The following ZDHHC20 variants were observed in gnomAD, a reference collection of about 807,000 sequenced individuals.
ZDHHC20 encodes zDHHC palmitoyltransferase 20.
A neutral mutation model predicts 57.8 loss-of-function variants in ZDHHC20; 43 were observed. The ratio of observed to expected loss-of-function variants is 0.74; its 90% CI spans 0.58 to 0.96. The LOEUF is 0.96. ZDHHC20 is among the 40% of genes least tolerant of loss of function. The probability of loss-of-function intolerance (pLI) is 0.00; values close to 1 mark genes in which losing one functional copy is unlikely to be tolerated. For missense variants in ZDHHC20, 391 were observed against 441.1 expected (o/e 0.89, Z 1.02); for synonymous variants, 157 against 153.0 (o/e 1.03, Z -0.19).
chr13:21,419,251 GTTTAC>G lies in ZDHHC20; in HGVS notation c.249+1805_249+1809del, dbSNP rs565880291. Reference sequence around the variant, plus strand: ...AAGCAACACTAAAATTTGACTTATAGTTTACTTTACCTTTTAAAACAAAAGCATCT... The same window carrying G: ...AAGCAACACTAAAATTTGACTTATAGTTTACCTTTTAAAACAAAAGCATCT... On this transcript the variant is annotated intron_variant, in intron 3 of 12. Coordinates refer to ENST00000400590, the MANE Select transcript of ZDHHC20 (RefSeq NM_001330059.2). 6.2e-3 allele frequency among the ~76,000 whole-genome samples: 950 copies of G among 152,252 alleles called. 15 individuals carry two copies. The highest frequency in any genetic ancestry group is 7.7e-3 in the Non-Finnish European group (525 of 68,012).
chr13:21,400,609 T>C, intron 6 of ZDHHC20, 116 bp from the exon 7 acceptor site: 1 of 1,012,432 alleles, frequency 9.9e-7, no homozygotes. Context: ...GGGAGCTTTT[T>C]AATGCGAATA....
intron 1 of ZDHHC20, among the ~76,000 whole-genome samples, chr13:21,447,773 T>A (rs1178445327): frequency 1.2e-5 from 1 of 86,420 alleles, no homozygotes; most frequent in Non-Finnish European, 2.9e-5. Flanking sequence ...CCCCTCTGCC[T>A]GGCTGCCCAG....
chr13:21,455,162 G>A (rs1362887818), intron 1 of ZDHHC20, among the ~76,000 whole-genome samples: 4 of 152,102 alleles, frequency 2.6e-5, no homozygotes, highest in Non-Finnish European at 4.4e-5. Flanking sequence ...CTCGTGATCC[G>A]CCTGCCTTGG....
chr13:21,424,084 T>A (rs1034504269), intron 2 of ZDHHC20, among the ~76,000 whole-genome samples: 1 of 152,118 alleles, frequency 6.6e-6, no homozygotes, highest in Non-Finnish European at 1.5e-5. Flanking sequence ...ATAGATAAAA[T>A]AAAGCTCTTA....
At chr13:21,404,435 C>A in intron 4 of ZDHHC20, 1 of 451,958 alleles carries the variant, frequency 2.2e-6, no homozygotes, top group Admixed American at 2.4e-5. Flanking sequence ...TGGAAAAATA[C>A]AAGGACATTA....
At chr13:21,421,863 T>C (rs1880686583) in intron 2 of ZDHHC20, among the ~76,000 whole-genome samples, 1 of 152,188 alleles carries the variant, frequency 6.6e-6, no homozygotes, top group Non-Finnish European at 1.5e-5. Flanking sequence ...TGCAGCACCA[T>C]AAACCCACTG....
At chr13:21,440,068 GAAAAAAAAAAAAAAAAA>G (rs376263181) in intron 1 of ZDHHC20, among the ~76,000 whole-genome samples, 1 of 89,790 alleles carries the variant, frequency 1.1e-5, no homozygotes, top group Admixed American at 1.4e-4. Flanking sequence ...CTGTTTCTCA[GAAAAAAAAAAAAAAAAA>G]AAAAAAAAAA....
At chr13:21,427,471 A>G (rs868330733) in intron 1 of ZDHHC20, among the ~76,000 whole-genome samples, 1 of 152,172 alleles carries the variant, frequency 6.6e-6, no homozygotes, top group Non-Finnish European at 1.5e-5. Flanking sequence ...TCTAGCTAAT[A>G]GTTTCCAGCG....
chr13:21,389,117 T>C (rs1875161814), intron 8 of ZDHHC20, among the ~76,000 whole-genome samples: 1 of 152,214 alleles, frequency 6.6e-6, no homozygotes. Context: ...CTAGCTTGCT[T>C]GTTCAGGATA....
intron 7 of ZDHHC20, among the ~76,000 whole-genome samples, chr13:21,395,595 G>A (rs1261949445): frequency 7.5e-5 from 11 of 146,206 alleles, no homozygotes; most frequent in Middle Eastern, 4.0e-3. Context: ...TCCGCCTCCC[G>A]GGTTCAAGCG....
At chr13:21,419,175 A>G (rs1003884688) in intron 3 of ZDHHC20, among the ~76,000 whole-genome samples, 3 of 152,242 alleles carry the variant, frequency 2.0e-5, no homozygotes, top group Non-Finnish European at 4.4e-5. Flanking sequence ...AGTTTGTAAC[A>G]TAACTTTAAG....
chr13:21,415,728 G>C (rs1223477441), intron 3 of ZDHHC20, among the ~76,000 whole-genome samples: 3 of 152,144 alleles, frequency 2.0e-5, no homozygotes, highest in Non-Finnish European at 4.4e-5. Flanking sequence ...TCATAGTAGA[G>C]TATAAAAATC....
intron 7 of ZDHHC20, among the ~76,000 whole-genome samples, chr13:21,395,082 TTTGAGATA>T (rs1196898554): frequency 2.0e-5 from 3 of 151,810 alleles, no homozygotes; most frequent in Non-Finnish European, 4.4e-5. Context: ...TTTTTTTTTT[TTTGAGATA>T]GAGTCTCGAT....
At chr13:21,401,277 AAAATAAAAT>A (rs2137795264) in intron 6 of ZDHHC20, among the ~76,000 whole-genome samples, 1 of 152,258 alleles carries the variant, frequency 6.6e-6, no homozygotes, top group Non-Finnish European at 1.5e-5. Context: ...CCCTGTTTCA[AAAATAAAAT>A]AAAACAAAAC....
chr13:21,421,795 ATTTC>A (rs766880606), intron 2 of ZDHHC20, among the ~76,000 whole-genome samples: 13 of 152,188 alleles, frequency 8.5e-5, no homozygotes, highest in Non-Finnish European at 1.6e-4. Flanking sequence ...AGCAGTACTG[ATTTC>A]TTTAAGAAGC....
At chr13:21,419,070 A>G (rs1352390414) in intron 3 of ZDHHC20, among the ~76,000 whole-genome samples, 1 of 152,184 alleles carries the variant, frequency 6.6e-6, no homozygotes, top group Non-Finnish European at 1.5e-5. Context: ...AGAATTATTT[A>G]CTTTTTACAC....
At position 21,395,535 on chromosome 13, in the gene ZDHHC20, G is replaced by A. The variant is rs1336162046; in HGVS notation, c.595-3681C>T. On this transcript the variant is annotated intron_variant, in intron 7 of 12. Transcript: ENST00000400590. ...TTTTGAGACAGAGTCTTGCTCTGTCGCCAGGCTGGAGTGCAGTGGCGTGAT... is the reference window on the plus strand; with the variant it reads ...TTTTGAGACAGAGTCTTGCTCTGTCACCAGGCTGGAGTGCAGTGGCGTGAT... Among the ~76,000 whole-genome samples, 13 of 119,834 alleles carry A rather than the reference G, an allele frequency of 1.1e-4. No homozygotes were observed. In the East Asian group the frequency reaches 1.7e-3, roughly 15 times the overall value. The allele number at this position is 119,834 out of a possible 152,430, so 78.6% of individuals were successfully genotyped here.
At chr13:21,455,497 G>T (rs1332946135) in intron 1 of ZDHHC20, among the ~76,000 whole-genome samples, 2 of 152,098 alleles carry the variant, frequency 1.3e-5, no homozygotes, top group South Asian at 4.1e-4. Flanking sequence ...GAGAATTTCA[G>T]TCTAATTTAA....
intron 1 of ZDHHC20, among the ~76,000 whole-genome samples, chr13:21,458,648 A>C (rs1244849481): frequency 6.6e-6 from 1 of 152,172 alleles, no homozygotes; most frequent in African/African-American, 2.4e-5. Flanking sequence ...ATCCAGAAGG[A>C]ACAGATTTGG....
Sources: gnomAD v4.1 joint callset for allele counts (sites outside exome capture counted in the v4.1 genomes callset) on GRCh38, gnomAD v4.1.1 for gene constraint, MANE v1.5 for transcripts, NCBI Gene and HGNC (gene_info 2026-07-23, HGNC 2026-07-21) for gene names.